Variants in STXBP5L observed in about 807,000 individuals in gnomAD.
STXBP5L encodes syntaxin-binding protein 5-like.
Under a neutral mutation model 144.5 loss-of-function variants are expected in STXBP5L, and 65 were observed. That is an observed-to-expected ratio of 0.45 (90% confidence interval 0.37 to 0.55). STXBP5L has a LOEUF of 0.55. Among genes scored for constraint, STXBP5L ranks in the 20% least tolerant of loss-of-function variants. The probability of loss-of-function intolerance (pLI) is 0.00; values close to 1 mark genes in which losing one functional copy is unlikely to be tolerated. For missense variants in STXBP5L, 1,298 were observed against 1,405.5 expected, an observed-to-expected ratio of 0.92 and a Z score of 1.22; for synonymous variants, 505 against 469.6, an observed-to-expected ratio of 1.08 and a Z score of -0.97.
At chr3:121,054,165 T>C (rs1189595438) in intron 5 of STXBP5L, among the ~76,000 whole-genome samples, 1 of 152,124 alleles carries the variant, frequency 6.6e-6, no homozygotes, top group East Asian at 1.9e-4. Context: ...AGTTCAACCA[T>C]TGTGGAAGTC....
At chr3:121,388,901 T>G (rs2046499269) in intron 22 of STXBP5L, among the ~76,000 whole-genome samples, 1 of 152,256 alleles carries the variant, frequency 6.6e-6, no homozygotes, top group Admixed American at 6.5e-5. Context: ...GATGTGGGCC[T>G]CATAAAATGA....
At chr3:120,978,980 G>A (rs1319483777) in intron 3 of STXBP5L, among the ~76,000 whole-genome samples, 1 of 152,126 alleles carries the variant, frequency 6.6e-6, no homozygotes, top group African/African-American at 2.4e-5. Context: ...CAGTTATGCT[G>A]CTTGGGGGTC....
intron 14 of STXBP5L, among the ~76,000 whole-genome samples, chr3:121,247,017 T>G (rs2049875583): frequency 1.3e-5 from 2 of 152,212 alleles, no homozygotes; most frequent in Non-Finnish European, 2.9e-5. Flanking sequence ...GTGACAACTG[T>G]GTAAATTTAC....
intron 5 of STXBP5L, among the ~76,000 whole-genome samples, chr3:121,050,877 G>A (rs1237282730): frequency 5.9e-5 from 9 of 152,158 alleles, no homozygotes; most frequent in East Asian, 1.9e-4. Flanking sequence ...TCAAAATAAA[G>A]GGATGGAGGA....
rs116549514 is a variant in STXBP5L, at chr3:121,263,182, T to A, written c.1958+4014T>A. ...TAGTGATACCCAGGCAAACAGGTTC[T>A]GGAGTGGACCACCCAGCAAACTCCA... On this transcript the variant is annotated intron_variant, in intron 18 of 26. Transcript: ENST00000471454. Among the ~76,000 whole-genome samples the A allele has an allele frequency of 3.0e-3, 463 of 152,316 alleles. 5 individuals are homozygous for A. The highest frequency in any genetic ancestry group is 0.011 in the African/African-American group (446 of 41,570).
At chr3:121,188,634 G>T (rs911514459) in intron 9 of STXBP5L, among the ~76,000 whole-genome samples, 1 of 152,090 alleles carries the variant, frequency 6.6e-6, no homozygotes, top group South Asian at 2.1e-4. Context: ...TTCATCCCTG[G>T]GATGCAAGGC....
chr3:121,206,843 A>G (rs1252842455), intron 10 of STXBP5L, among the ~76,000 whole-genome samples: 3 of 152,164 alleles, frequency 2.0e-5, no homozygotes, highest in African/African-American at 7.2e-5. Context: ...CATATCCTAT[A>G]AATCAACAAG....
intron 5 of STXBP5L, among the ~76,000 whole-genome samples, chr3:121,069,787 G>A (rs1308151610): frequency 6.6e-6 from 1 of 151,828 alleles, no homozygotes; most frequent in Non-Finnish European, 1.5e-5. Context: ...ATGAGATTGA[G>A]GTCAAGGTTG....
chr3:121,149,651 TTAATACCCTATTAGAAAAGG>T (rs1483422999), intron 7 of STXBP5L, among the ~76,000 whole-genome samples: 1 of 151,932 alleles, frequency 6.6e-6, no homozygotes, highest in African/African-American at 2.4e-5. Context: ...AACTATAGAA[TTAATACCCTATTAGAAAAGG>T]TAATGAAGAG....
chr3:121,190,232 A>C (rs991638642), intron 9 of STXBP5L, among the ~76,000 whole-genome samples: 2 of 152,160 alleles, frequency 1.3e-5, no homozygotes, highest in Non-Finnish European at 2.9e-5. Context: ...GTCCCTGGGA[A>C]CTAGGGATTA....
At chr3:121,036,304 G>T (rs1477618484) in intron 3 of STXBP5L, among the ~76,000 whole-genome samples, 1 of 152,102 alleles carries the variant, frequency 6.6e-6, no homozygotes, top group East Asian at 1.9e-4. Context: ...CTGTACTCCA[G>T]CCTGGGCAAC....
At chr3:121,024,104 C>T (rs963015290) in intron 3 of STXBP5L, among the ~76,000 whole-genome samples, 3 of 151,932 alleles carry the variant, frequency 2.0e-5, no homozygotes, top group East Asian at 1.9e-4. Flanking sequence ...AATTGCCCTG[C>T]GAAAGACACT....
intron 19 of STXBP5L, among the ~76,000 whole-genome samples, chr3:121,280,909 C>T (rs1416275835): frequency 6.7e-6 from 1 of 148,904 alleles, no homozygotes; most frequent in Non-Finnish European, 1.5e-5. Flanking sequence ...GACCCCATCT[C>T]TAATAATAAT....
intron 3 of STXBP5L, among the ~76,000 whole-genome samples, chr3:120,989,840 C>T (rs1208522438): frequency 6.6e-6 from 1 of 152,150 alleles, no homozygotes; most frequent in Non-Finnish European, 1.5e-5. Context: ...CATATACCCA[C>T]AGCCAATATC....
At chr3:121,214,513 T>C (rs904147481) in intron 10 of STXBP5L, among the ~76,000 whole-genome samples, 2 of 152,208 alleles carry the variant, frequency 1.3e-5, no homozygotes, top group African/African-American at 4.8e-5. Flanking sequence ...TGTTGTTTTG[T>C]GGTTTTGAGT....
chr3:121,187,600 TA>T (rs60294540), intron 9 of STXBP5L, among the ~76,000 whole-genome samples: 18,472 of 146,224 alleles, frequency 0.13, 1,193 homozygotes, highest in Non-Finnish European at 0.14. Context: ...CCATGAATGA[TA>T]AAAAAAAAAG....
intron 9 of STXBP5L, 123 bp from the exon 10 acceptor site, chr3:121,205,800 T>C (rs2048313176): frequency 2.1e-6 from 1 of 480,790 alleles, no homozygotes; most frequent in Non-Finnish European, 3.6e-6. Context: ...GTTTATCCTA[T>C]TATGACAAAC....
chr3:121,204,430 GA>G (rs1349850868), intron 9 of STXBP5L, among the ~76,000 whole-genome samples: 3 of 152,170 alleles, frequency 2.0e-5, no homozygotes, highest in African/African-American at 2.4e-5. Context: ...GTAAAATAAA[GA>G]AAAGGCAATT....
At chr3:121,354,227 G>A (rs1175489148) in intron 20 of STXBP5L, among the ~76,000 whole-genome samples, 1 of 152,152 alleles carries the variant, frequency 6.6e-6, no homozygotes, top group East Asian at 1.9e-4. Context: ...TTCAAGTCCT[G>A]GATATCCTTG....
Sources: allele counts gnomAD v4.1 joint callset (sites outside exome capture counted in the v4.1 genomes callset), GRCh38; gene constraint gnomAD v4.1.1; transcripts MANE v1.5; gene names NCBI Gene and HGNC (gene_info 2026-07-23, HGNC 2026-07-21).